The following CFAP77 variants were observed in gnomAD, a reference collection of about 807,000 sequenced individuals.
CFAP77 encodes the protein cilia- and flagella-associated protein 77.
CFAP77 carries 25 observed loss-of-function variants against 31.1 expected under a neutral mutation model. The observed-to-expected ratio is 0.80, with a 90% CI of 0.59 to 1.12. The LOEUF (loss-of-function observed/expected upper bound fraction) is 1.12. Ranked by LOEUF, CFAP77 falls within the 50% of genes most tolerant of loss-of-function variation. The probability of loss-of-function intolerance (pLI) is 0.00; values close to 1 mark genes in which losing one functional copy is unlikely to be tolerated. For synonymous variants in CFAP77, 151 were observed against 159.9 expected (o/e 0.94, Z 0.42); for missense variants, 377 against 397.3 (o/e 0.95, Z 0.44).
In CFAP77 at chr9:132,475,385, C is replaced by T. The variant is rs185681180; in HGVS notation, c.196-23310C>T. On this transcript the variant is annotated intron_variant, in intron 1 of 5. Coordinates refer to ENST00000393216, the MANE Select transcript of CFAP77 (RefSeq NM_001282957.2). ...TTGCTTTCTATGGCTGCATCTACCACTAGGCCCCTTCGCTAAGGCTGGTCT... is the reference window on the plus strand; with the variant it reads ...TTGCTTTCTATGGCTGCATCTACCATTAGGCCCCTTCGCTAAGGCTGGTCT... Among the ~76,000 whole-genome samples the T allele has an allele frequency of 2.6e-5, 4 of 152,342 alleles. No individual in the cohort carries two copies. In the East Asian group the frequency reaches 7.7e-4, roughly 29 times the overall value.
At chr9:132,443,495 C>T (rs773037208) in intron 1 of CFAP77, among the ~76,000 whole-genome samples, 1 of 152,066 alleles carries the variant, frequency 6.6e-6, no homozygotes, top group Non-Finnish European at 1.5e-5. Flanking sequence ...TCAGGTGATC[C>T]GCCTGCCTCG....
chr9:132,468,810 C>CAT (rs58559407), intron 1 of CFAP77, among the ~76,000 whole-genome samples: 2 of 131,238 alleles, frequency 1.5e-5, no homozygotes, highest in African/African-American at 2.6e-5. Flanking sequence ...CACACACACA[C>CAT]GCACGCACAC....
chr9:132,518,268 C>A (rs935974927), intron 3 of CFAP77, among the ~76,000 whole-genome samples: 2 of 152,138 alleles, frequency 1.3e-5, no homozygotes, highest in African/African-American at 2.4e-5. Context: ...GGGAAACACT[C>A]ACTCAGAAGT....
In CFAP77 at chr9:132,565,392, G is replaced by A. The variant is rs1829873002; in HGVS notation, c.733-6996G>A. Among the ~76,000 whole-genome samples, 1 of 152,084 alleles carries A rather than the reference G, an allele frequency of 6.6e-6. No individual in the cohort carries two copies. Among genetic ancestry groups the A allele is most frequent in the Non-Finnish European group, 1.5e-5 (1 of 68,020 alleles). Reference sequence around the variant, plus strand: ...CGCCTGTAATCCCAGCACTTTGGGAGGCCGAGGTGAGTGGATCACCTGAGG... The same window carrying A: ...CGCCTGTAATCCCAGCACTTTGGGAAGCCGAGGTGAGTGGATCACCTGAGG... On this transcript the variant is annotated intron_variant, in intron 5 of 5. Coordinates refer to ENST00000393216, the MANE Select transcript of CFAP77 (RefSeq NM_001282957.2). This position sits in a 1 kb window ranked among gnomAD's most constrained non-coding sequence, Gnocchi z 4.1.
chr9:132,438,537 A>ATTTT (rs1181262639), intron 1 of CFAP77, among the ~76,000 whole-genome samples: 4,244 of 115,438 alleles, frequency 0.037, 108 homozygotes, highest in South Asian at 0.061. Context: ...ATATATATAT[A>ATTTT]TATATTTTTT....
chr9:132,418,924 A>T (rs1365595290), intron 1 of CFAP77, among the ~76,000 whole-genome samples: 4 of 152,250 alleles, frequency 2.6e-5, no homozygotes, highest in African/African-American at 9.6e-5. Context: ...CCAGGGCCCC[A>T]TCACAGACTC....
At chr9:132,570,369 G>A (rs981885715) in intron 5 of CFAP77, among the ~76,000 whole-genome samples, 6 of 152,216 alleles carry the variant, frequency 3.9e-5, no homozygotes, top group African/African-American at 1.4e-4. Flanking sequence ...CTTTTGGGCT[G>A]GGCTCAGGCC....
At chr9:132,516,272 C>A (rs1470594090) in intron 3 of CFAP77, among the ~76,000 whole-genome samples, 4 of 152,190 alleles carry the variant, frequency 2.6e-5, no homozygotes, top group Non-Finnish European at 5.9e-5. Context: ...TGTCTGCAGG[C>A]CAGACCTGGC....
intron 5 of CFAP77, among the ~76,000 whole-genome samples, chr9:132,547,099 T>G (rs912831502): frequency 1.3e-5 from 2 of 152,204 alleles, no homozygotes; most frequent in Admixed American, 1.3e-4. Context: ...GGGCTGGGGC[T>G]GATGCCCTCT....
At chr9:132,450,006 G>A (rs1446603942) in intron 1 of CFAP77, among the ~76,000 whole-genome samples, 1 of 152,058 alleles carries the variant, frequency 6.6e-6, no homozygotes, top group East Asian at 1.9e-4. Flanking sequence ...TCCGCCTCCC[G>A]GGTTCACGCC....
intron 1 of CFAP77, among the ~76,000 whole-genome samples, chr9:132,433,601 G>T (rs1850450867): frequency 6.6e-6 from 1 of 151,140 alleles, no homozygotes; most frequent in South Asian, 2.1e-4. Context: ...AGGCTGGAGT[G>T]CAGTGGCACA....
intron 3 of CFAP77, among the ~76,000 whole-genome samples, chr9:132,537,223 G>A (rs150997090): frequency 1.3e-5 from 2 of 152,204 alleles, no homozygotes; most frequent in Non-Finnish European, 2.9e-5. Flanking sequence ...TGCAGGTGAG[G>A]AACTTAATCA....
chr9:132,548,571 G>C (rs971075929), intron 5 of CFAP77, among the ~76,000 whole-genome samples: 2 of 152,094 alleles, frequency 1.3e-5, no homozygotes, highest in African/African-American at 4.8e-5. Context: ...CCCCAGCAGC[G>C]AGGCCTGCTG....
intron 1 of CFAP77, among the ~76,000 whole-genome samples, chr9:132,467,618 C>G (rs1851178357): frequency 6.6e-6 from 1 of 152,158 alleles, no homozygotes; most frequent in Non-Finnish European, 1.5e-5. Context: ...TGGGTTGTTT[C>G]CACCTTTTGG....
rs551331189 is a variant in CFAP77, at chr9:132,445,120, C to T, written c.195+34654C>T. Among the ~76,000 whole-genome samples, 377 of 151,990 alleles carry T rather than the reference C, an allele frequency of 2.5e-3. 3 individuals are homozygous for T. The highest frequency in any genetic ancestry group is 8.5e-3 in the African/African-American group (352 of 41,458). On this transcript the variant is annotated intron_variant, in intron 1 of 5. Transcript: ENST00000393216. ...TCCCGAGTAGCTGGGATTATAGGCA[C>T]GCACCACCATGCCTGGCTAATTTTT...
intron 1 of CFAP77, among the ~76,000 whole-genome samples, chr9:132,418,812 C>T (rs1850158681): frequency 6.6e-6 from 1 of 152,208 alleles, no homozygotes; most frequent in Non-Finnish European, 1.5e-5. Flanking sequence ...GCACCAACTT[C>T]CAAGGATTTT....
At chr9:132,502,292 G>GTGT (rs1851862665) in intron 3 of CFAP77, among the ~76,000 whole-genome samples, 1 of 149,366 alleles carries the variant, frequency 6.7e-6, no homozygotes, top group African/African-American at 2.5e-5. Context: ...GAGGGGGGTG[G>GTGT]TAGTTCCTTC....
At position 132,469,947 on chromosome 9, in the gene CFAP77, C is replaced by T. The variant is rs997306453; in HGVS notation, c.196-28748C>T. Among the ~76,000 whole-genome samples the T allele has an allele frequency of 2.0e-5, 3 of 150,556 alleles. No homozygotes were observed. In the South Asian group the frequency reaches 6.2e-4, roughly 31 times the overall value. ...CTCCGCCTCGTGGGTTCAAGCGATT[C>T]TCCTGCCTCAACCTCCCAAGTAGCT... On this transcript the variant is annotated intron_variant, in intron 1 of 5. Transcript: ENST00000393216.
At chr9:132,551,885 G>A (rs984743743) in intron 5 of CFAP77, among the ~76,000 whole-genome samples, 4 of 152,194 alleles carry the variant, frequency 2.6e-5, no homozygotes, top group Non-Finnish European at 5.9e-5. Context: ...AGTGCAGGGC[G>A]GTCAGGAATG....
Sources: gnomAD v4.1 joint callset for allele counts (sites outside exome capture counted in the v4.1 genomes callset) on GRCh38, gnomAD v4.1.1 for gene constraint, Gnocchi (gnomAD v3.1) non-coding constraint, MANE v1.5 for transcripts, NCBI Gene and HGNC (gene_info 2026-07-23, HGNC 2026-07-21) for gene names.